Variants in ZNF567 observed in about 807,000 individuals in gnomAD.
ZNF567 encodes zinc finger protein 567.
ZNF567 carries 36 observed loss-of-function variants against 53.9 expected under a neutral mutation model. That is an observed-to-expected ratio of 0.67 (90% CI 0.51 to 0.88). ZNF567 has a LOEUF of 0.88. Among genes scored for constraint, ZNF567 ranks in the 40% least tolerant of loss-of-function variants. The pLI is 0.00. For missense variants in ZNF567, 619 were observed against 764.7 expected (o/e 0.81, Z 2.25); for synonymous variants, 224 against 260.4 (o/e 0.86, Z 1.35).
rs192986331 is a variant in ZNF567, at chr19:36,720,466, G to T, written c.1742G>T (p.Arg581Ile). 8 of 1,613,218 alleles carry T rather than the reference G, an allele frequency of 5.0e-6. No individual in the cohort carries two copies. In the Admixed American group the frequency reaches 8.3e-5, roughly 17 times the overall value. ...SRKSYLIHHQRTHTGEKPYKC... is the reference protein window; with the variant it reads ...SRKSYLIHHQITHTGEKPYKC... The stretch of plus-strand genomic sequence containing the variant: ...AAGTCATATCTCATTCATCATCAAA[G>T]AACTCATACGGGAGAGAAACCATAT... Residue 581 changes from arginine (R) to isoleucine (I), a missense_variant, in exon 6 of 6, where the codon AGA becomes ATA. By Grantham distance (97) the Arg-to-Ile change is moderately conservative (BLOSUM62 -3). Coordinates refer to ENST00000682579, the MANE Select transcript of ZNF567 (RefSeq NM_001322917.1).
chr19:36,721,748 T>TTTTC (rs2040305244), downstream of ZNF567, among the ~76,000 whole-genome samples: 8 of 142,700 alleles, frequency 5.6e-5, no homozygotes, highest in African/African-American at 2.1e-4. Flanking sequence ...TTTTTTCTTT[T>TTTTC]TTTTTTTTTT....
chr19:36,723,801 G>A (rs1275327348), downstream of ZNF567, among the ~76,000 whole-genome samples: 1 of 151,840 alleles, frequency 6.6e-6, no homozygotes. Context: ...GCCATTGCAC[G>A]CCTGCCTGGC....
chr19:36,708,055 C>G (rs1421038869), intron 3 of ZNF567, among the ~76,000 whole-genome samples: 2 of 152,114 alleles, frequency 1.3e-5, no homozygotes, highest in African/African-American at 4.8e-5. Flanking sequence ...GCCACCACAC[C>G]TAGCTAATTT....
intron 2 of ZNF567, among the ~76,000 whole-genome samples, chr19:36,690,792 A>G (rs2038338613): frequency 6.6e-6 from 1 of 152,156 alleles, no homozygotes; most frequent in South Asian, 2.1e-4. Context: ...TAGATGGATG[A>G]ATTTTATGGT....
the ZNF567 span, among the ~76,000 whole-genome samples, chr19:36,681,571 A>G: frequency 6.6e-6 from 1 of 151,670 alleles, no homozygotes; most frequent in Non-Finnish European, 1.5e-5. Flanking sequence ...CTGGGACTAC[A>G]GGCACACAAC....
At chr19:36,684,948 T>A (rs1299662176), upstream of ZNF567, among the ~76,000 whole-genome samples, 1 of 152,118 alleles carries the variant, frequency 6.6e-6, no homozygotes, top group Non-Finnish European at 1.5e-5. Context: ...AAGTAAGATG[T>A]TCCCAGAATA....
At chr19:36,667,467 A>C in the ZNF567 span, among the ~76,000 whole-genome samples, 1 of 151,732 alleles carries the variant, frequency 6.6e-6, no homozygotes, top group Non-Finnish European at 1.5e-5. Flanking sequence ...GCGCCATTGC[A>C]CTCCAGCCTG....
At chr19:36,682,435 T>C in the ZNF567 span, among the ~76,000 whole-genome samples, 28 of 151,730 alleles carry the variant, frequency 1.8e-4, no homozygotes, top group African/African-American at 6.5e-4. Context: ...TCCACCTATA[T>C]GAAGTTCAAA....
chr19:36,712,138 C>T, intron 3 of ZNF567: 1 of 375,318 alleles, frequency 2.7e-6, no homozygotes, highest in Non-Finnish European at 5.1e-6. Context: ...CCTCCGCCTC[C>T]TGGTTTCAAG....
intron 3 of ZNF567, among the ~76,000 whole-genome samples, chr19:36,703,252 C>T (rs958321945): frequency 1.3e-5 from 2 of 152,140 alleles, no homozygotes; most frequent in African/African-American, 4.8e-5. Context: ...TTTTCGTGAT[C>T]CGCAAATGCT....
At chr19:36,669,379 T>C in the ZNF567 span, 1 of 152,222 alleles carries the variant, frequency 6.6e-6, no homozygotes, top group Non-Finnish European at 1.5e-5. Context: ...AAATGTGACA[T>C]GAATTAAAAT....
At chr19:36,688,482 G>A (rs1013867271) in intron 1 of ZNF567, among the ~76,000 whole-genome samples, 11 of 151,938 alleles carry the variant, frequency 7.2e-5, no homozygotes, top group African/African-American at 9.7e-5. Context: ...TAATGGAGAG[G>A]AAGAGGCAAA....
Position 36,720,219 on chromosome 19 carries a change from C to T in ZNF567, c.1495C>T (p.His499Tyr). The T allele has an allele frequency of 6.2e-7, 1 of 1,614,138 alleles. No homozygotes were observed. Among genetic ancestry groups the T allele is most frequent in the Non-Finnish European group, 8.5e-7 (1 of 1,180,026 alleles). Residue 499 changes from histidine (H) to tyrosine (Y), a missense_variant, in exon 6 of 6, where the codon CAC becomes TAC. Transcript: ENST00000682579. Reference protein sequence around the residue: ...KSYLIDHHRTHTGEKPYECNE... With the variant: ...KSYLIDHHRTYTGEKPYECNE... ...ATACCTCATTGATCATCACCGAACT[C>T]ACACAGGAGAGAAACCATATGAATG...
At chr19:36,724,004 C>CTT (rs536627641), downstream of ZNF567, among the ~76,000 whole-genome samples, 49 of 98,332 alleles carry the variant, frequency 5.0e-4, no homozygotes, top group Non-Finnish European at 6.8e-4. Flanking sequence ...TTCTGTATTT[C>CTT]TTTTTTTTTT....
At chr19:36,727,010 C>CCTTTT (rs1555809302), downstream of ZNF567, 6 of 123,916 alleles carry the variant, frequency 4.8e-5, no homozygotes, top group African/African-American at 1.9e-4. Flanking sequence ...TTCTTTCTTT[C>CCTTTT]CTTTTTTTTT....
upstream of ZNF567, among the ~76,000 whole-genome samples, chr19:36,685,274 C>A (rs1227248412): frequency 1.3e-5 from 2 of 152,116 alleles, no homozygotes; most frequent in Non-Finnish European, 2.9e-5. Context: ...GGCGACAGAG[C>A]AAGACTCGGT....
chr19:36,682,783 A>G (rs989784816), upstream of ZNF567, among the ~76,000 whole-genome samples: 3 of 150,660 alleles, frequency 2.0e-5, no homozygotes, highest in Non-Finnish European at 3.0e-5. Flanking sequence ...AATTTTTTGT[A>G]TTTTTAGTAG....
intron 1 of ZNF567, among the ~76,000 whole-genome samples, chr19:36,689,115 C>T (rs2038446154): frequency 6.6e-6 from 1 of 151,958 alleles, no homozygotes; most frequent in Admixed American, 6.6e-5. Context: ...CAAAAAAGAT[C>T]ATTTATTGGG....
At chr19:36,692,759 C>G (rs927647455) in intron 2 of ZNF567, among the ~76,000 whole-genome samples, 1 of 152,068 alleles carries the variant, frequency 6.6e-6, no homozygotes, top group African/African-American at 2.4e-5. Context: ...GTGAATGAGA[C>G]CTCTCTGCAC....
Sources: gnomAD v4.1 joint callset for allele counts (sites outside exome capture counted in the v4.1 genomes callset) on GRCh38, gnomAD v4.1.1 for gene constraint, MANE v1.5 for transcripts, NCBI Gene and HGNC (gene_info 2026-07-23, HGNC 2026-07-21) for gene names.